The following DMD variants were observed in gnomAD, a reference collection of about 807,000 sequenced individuals.
DMD encodes mutant dystrophin.
In DMD, 63 loss-of-function variants were observed where a neutral mutation model predicts 330.1. That is an observed-to-expected ratio of 0.19 (90% CI 0.16 to 0.24). The LOEUF (loss-of-function observed/expected upper bound fraction) is 0.24. DMD is among the 10% of genes least tolerant of loss of function. DMD has a pLI of 1.00. For missense variants in DMD, 3,344 were observed against 2,684.1 expected, an observed-to-expected ratio of 1.25 and a Z score of -5.43; for synonymous variants, 1,223 against 959.8, an observed-to-expected ratio of 1.27 and a Z score of -5.07.
chrX:32,454,378 G>A (rs1190561528), intron 26 of DMD, among the ~76,000 whole-genome samples: 1 of 111,057 alleles, frequency 9.0e-6, no homozygotes, highest in East Asian at 2.8e-4. Flanking sequence ...TTAATGAAAT[G>A]AGTTGATTCT....
At chrX:31,569,606 G>GTA (rs1403453861) in intron 55 of DMD, among the ~76,000 whole-genome samples, 86 of 95,286 alleles carry the variant, frequency 9.0e-4, no homozygotes, top group Non-Finnish European at 1.6e-3. Flanking sequence ...ACACATATAT[G>GTA]TATATACGTA....
intron 50 of DMD, among the ~76,000 whole-genome samples, chrX:31,776,638 A>G (rs964707935): frequency 9.4e-6 from 1 of 106,282 alleles, no homozygotes; most frequent in African/African-American, 3.4e-5. Context: ...GAGGGAATCT[A>G]TTGAAAAGCA....
intron 44 of DMD, among the ~76,000 whole-genome samples, chrX:32,154,710 T>A (rs2096822024): frequency 8.9e-6 from 1 of 111,789 alleles, no homozygotes; most frequent in Admixed American, 9.6e-5. Flanking sequence ...TTTTAATGAC[T>A]GCTTTAGTAA....
chrX:31,604,152 T>C (rs1050289725), intron 55 of DMD, among the ~76,000 whole-genome samples: 12 of 112,328 alleles, frequency 1.1e-4, no homozygotes, highest in African/African-American at 3.6e-4. Context: ...TCTCCAAATT[T>C]GAATGACAGT....
intron 1 of DMD, among the ~76,000 whole-genome samples, chrX:33,331,447 G>C (rs2054175427): frequency 8.9e-6 from 1 of 111,800 alleles, no homozygotes; most frequent in Non-Finnish European, 1.9e-5. Context: ...ATGTATAAAA[G>C]AAATCTGTAC....
intron 18 of DMD, among the ~76,000 whole-genome samples, chrX:32,514,005 CGTTA>C (rs1341925316): frequency 9.0e-6 from 1 of 111,219 alleles, no homozygotes; most frequent in East Asian, 2.8e-4. Context: ...AGATAAGGCA[CGTTA>C]AGTATTCACA....
intron 55 of DMD, among the ~76,000 whole-genome samples, chrX:31,600,471 C>T (rs186717851): frequency 1.9e-5 from 2 of 104,503 alleles, no homozygotes; most frequent in African/African-American, 7.0e-5. Context: ...ATTCTTATAT[C>T]ATGCAAGAAA....
At chrX:32,192,688 T>C (rs377747132) in intron 44 of DMD, among the ~76,000 whole-genome samples, 2 of 111,668 alleles carry the variant, frequency 1.8e-5, no homozygotes, top group East Asian at 5.7e-4. Flanking sequence ...ATGGCTACTT[T>C]GGAATATTTA....
chrX:31,829,119 AG>A (rs959064211), intron 49 of DMD, among the ~76,000 whole-genome samples: 23 of 111,839 alleles, frequency 2.1e-4, no homozygotes, highest in African/African-American at 7.5e-4. Context: ...AAAGTAACTC[AG>A]GAACGGAAAA....
At chrX:31,260,239 C>T (rs1283890181) in intron 63 of DMD, among the ~76,000 whole-genome samples, 2 of 111,264 alleles carry the variant, frequency 1.8e-5, no homozygotes, top group African/African-American at 6.5e-5. Context: ...AAGACCCTGT[C>T]CCAAAACAAA....
chrX:32,021,919 AAT>A (rs1157434923), intron 44 of DMD, among the ~76,000 whole-genome samples: 2 of 112,039 alleles, frequency 1.8e-5, no homozygotes, highest in African/African-American at 3.2e-5. Flanking sequence ...ATAAAAAATA[AAT>A]ATGTGTTAAT....
chrX:32,872,837 C>G (rs1210941667), intron 2 of DMD, among the ~76,000 whole-genome samples: 2 of 111,207 alleles, frequency 1.8e-5, no homozygotes, highest in South Asian at 7.6e-4. Flanking sequence ...GAGATATGAT[C>G]TAGTTTGTGT....
intron 2 of DMD, among the ~76,000 whole-genome samples, chrX:32,937,533 T>C (rs927667534): frequency 5.8e-5 from 6 of 104,226 alleles, no homozygotes; most frequent in African/African-American, 1.8e-4. Context: ...GTTTGCTCTT[T>C]AACTAAACCC....
At chrX:31,577,646 A>T (rs1477030211) in intron 55 of DMD, among the ~76,000 whole-genome samples, 1 of 112,341 alleles carries the variant, frequency 8.9e-6, no homozygotes, top group Non-Finnish European at 1.9e-5. Flanking sequence ...AATAATGGTT[A>T]AGTGAAGGGT....
At chrX:32,935,970 C>T (rs996654492) in intron 2 of DMD, among the ~76,000 whole-genome samples, 2 of 111,355 alleles carry the variant, frequency 1.8e-5, no homozygotes, top group South Asian at 3.7e-4. Flanking sequence ...TAATATTAGA[C>T]GAGCAAAAGG....
In DMD at chrX:33,093,770, GA is replaced by G. The variant is rs201150069; in HGVS notation, c.32-73571del. On this transcript the variant is annotated intron_variant, in intron 1 of 78. Transcript: ENST00000357033. ...AAACTTTTATTGCATGTTGGCTATG[GA>G]AAAGTACAAATAATAACTAAGACGT... 9.9e-5 allele frequency among the ~76,000 whole-genome samples: 11 copies of G among 111,156 alleles called. No individual in the cohort carries two copies. The East Asian group carries it at 3.1e-3, about 31-fold the overall frequency.
chrX:33,177,176 T>A (rs1241288547), intron 1 of DMD, among the ~76,000 whole-genome samples: 2 of 111,022 alleles, frequency 1.8e-5, no homozygotes, highest in Non-Finnish European at 3.8e-5. Context: ...GGGGCACATA[T>A]GGCCTTTCAG....
At chrX:31,895,567 G>A (rs1400355403) in intron 47 of DMD, among the ~76,000 whole-genome samples, 1 of 111,695 alleles carries the variant, frequency 9.0e-6, no homozygotes, top group Non-Finnish European at 1.9e-5. Flanking sequence ...AGTTTTGTGT[G>A]CCATGACATG....
intron 34 of DMD, among the ~76,000 whole-genome samples, chrX:32,366,209 G>T (rs1046445211): frequency 2.7e-5 from 3 of 112,120 alleles, no homozygotes; most frequent in Non-Finnish European, 5.6e-5. Flanking sequence ...CCTGCATAAA[G>T]CCCCTTTCCT....
Sources: gnomAD v4.1 joint callset for allele counts (sites outside exome capture counted in the v4.1 genomes callset) on GRCh38, gnomAD v4.1.1 for gene constraint, MANE v1.5 for transcripts, NCBI Gene and HGNC (gene_info 2026-07-23, HGNC 2026-07-21) for gene names.